Variants in DYSF observed in about 807,000 individuals in gnomAD.
DYSF encodes the protein dysferlin.
Under a neutral mutation model 274.9 loss-of-function variants are expected in DYSF, and 212 were observed. The ratio of observed to expected loss-of-function variants is 0.77; its 90% CI spans 0.69 to 0.86. DYSF has a LOEUF of 0.86. Ranked by LOEUF, DYSF falls within the 40% of genes least tolerant of loss-of-function variation. The pLI, the probability that DYSF is intolerant of heterozygous loss-of-function variation, is 0.00. For missense variants in DYSF, 2,666 were observed against 2,783.2 expected (o/e 0.96, Z 0.95); for synonymous variants, 1,091 against 1,078.7 (o/e 1.01, Z -0.22).
intron 45 of DYSF, among the ~76,000 whole-genome samples, chr2:71,661,907 T>C (rs2094887977): frequency 6.6e-6 from 1 of 151,800 alleles, no homozygotes; most frequent in African/African-American, 2.4e-5. Context: ...AGGGAAGTGG[T>C]AGGTGGGAGA....
intron 17 of DYSF, among the ~76,000 whole-genome samples, chr2:71,540,823 T>C (rs1208031259): frequency 5.9e-5 from 9 of 152,092 alleles, no homozygotes; most frequent in Non-Finnish European, 7.4e-5. Context: ...CTGTCATTTA[T>C]GTAGTAAATA....
intron 36 of DYSF, among the ~76,000 whole-genome samples, chr2:71,609,438 TG>T (rs1021542203): frequency 5.4e-5 from 8 of 149,492 alleles, no homozygotes; most frequent in African/African-American, 2.0e-4. Context: ...GAAGTCACCC[TG>T]GGGAGATCAA....
At chr2:71,537,217 A>AGTTTTGTTTT (rs1553536522) in intron 16 of DYSF, among the ~76,000 whole-genome samples, 11 of 89,918 alleles carry the variant, frequency 1.2e-4, no homozygotes, top group African/African-American at 1.8e-4. Context: ...TTTACTTTCT[A>AGTTTTGTTTT]GTTTTGTTTT....
chr2:71,615,528 C>T lies in DYSF; in HGVS notation c.4464+2118C>T, dbSNP rs79761160. Among the ~76,000 whole-genome samples, 2,544 of 152,250 alleles carry T rather than the reference C, an allele frequency of 0.017. 73 individuals carry two copies. Among genetic ancestry groups the T allele is most frequent in the African/African-American group, 0.059 (2,437 of 41,548 alleles). On this transcript the variant is annotated intron_variant, in intron 40 of 55. Transcript: ENST00000410020. This position sits in a 1 kb window ranked among gnomAD's most constrained non-coding sequence, Gnocchi z 4.9. ...CTGTTCTGCAGGGAGCCCTGGCCCT[C>T]TGGGGAAGCCCCTTTTCTGGTATCT...
rs923606051 is a variant in DYSF, at chr2:71,530,663, C to T, written c.1380+2262C>T. Among the ~76,000 whole-genome samples, 4 of 152,068 alleles carry T rather than the reference C, an allele frequency of 2.6e-5. No homozygotes were observed. In the East Asian group the frequency reaches 7.7e-4, roughly 29 times the overall value. On this transcript the variant is annotated intron_variant, in intron 14 of 55. Transcript: ENST00000410020. ...GGTGAAGGAGGCAGCTGGAATGCTCCGTCTTGAAAGTTTCAACCTGGCCAG... is the reference window on the plus strand; with the variant it reads ...GGTGAAGGAGGCAGCTGGAATGCTCTGTCTTGAAAGTTTCAACCTGGCCAG...
chr2:71,454,175 TGAGAGACAG>T, intron 1 of DYSF: 1 of 1,315,384 alleles, frequency 7.6e-7, no homozygotes, highest in Non-Finnish European at 1.1e-6. Flanking sequence ...CACCTAGAGC[TGAGAGACAG>T]GAGACTTTCT....
intron 36 of DYSF, among the ~76,000 whole-genome samples, chr2:71,605,522 G>A (rs1476985845): frequency 1.3e-5 from 2 of 152,132 alleles, no homozygotes; most frequent in Non-Finnish European, 1.5e-5. Flanking sequence ...TGACCATTTC[G>A]GGGAGGTGGG....
chr2:71,661,872 T>A (rs1052525268), intron 45 of DYSF, among the ~76,000 whole-genome samples: 9 of 152,102 alleles, frequency 5.9e-5, no homozygotes, highest in African/African-American at 2.2e-4. Context: ...TGGCCAGTGA[T>A]GAGCTCCCAC....
At chr2:71,610,372 G>T (rs2093729007) in intron 36 of DYSF, among the ~76,000 whole-genome samples, 1 of 152,244 alleles carries the variant, frequency 6.6e-6, no homozygotes, top group African/African-American at 2.4e-5. Context: ...AAAACATTCA[G>T]CTATAGGAGG....
intron 1 of DYSF, among the ~76,000 whole-genome samples, chr2:71,473,918 A>ATTTTTTTT (rs10659171): frequency 1.2e-5 from 1 of 83,804 alleles, no homozygotes; most frequent in Non-Finnish European, 2.2e-5. Flanking sequence ...TTTCTGTATG[A>ATTTTTTTT]TTTTTTTTTT....
chr2:71,558,822 G>T (rs2091518025), intron 22 of DYSF, among the ~76,000 whole-genome samples: 1 of 152,104 alleles, frequency 6.6e-6, no homozygotes, highest in African/African-American at 2.4e-5. Flanking sequence ...GCCTCTCTGG[G>T]GGGGAATTCC....
At chr2:71,623,621 A>T (rs2094150331) in intron 41 of DYSF, among the ~76,000 whole-genome samples, 1 of 152,124 alleles carries the variant, frequency 6.6e-6, no homozygotes, top group South Asian at 2.1e-4. Flanking sequence ...AAAATGCATT[A>T]TCCAGGATTT....
chr2:71,468,678 G>A (rs1168220187), intron 1 of DYSF, among the ~76,000 whole-genome samples: 1 of 152,104 alleles, frequency 6.6e-6, no homozygotes, highest in Admixed American at 6.5e-5. Flanking sequence ...GTATTTCAAA[G>A]CCCAGGGCAA....
At chr2:71,512,152 A>G (rs558980189) in intron 5 of DYSF, among the ~76,000 whole-genome samples, 37 of 152,254 alleles carry the variant, frequency 2.4e-4, no homozygotes, top group African/African-American at 7.9e-4. Flanking sequence ...CGGTGCAGGG[A>G]GTAATGTGAG....
chr2:71,596,170 G>C (rs2093403406), intron 32 of DYSF, among the ~76,000 whole-genome samples: 1 of 151,928 alleles, frequency 6.6e-6, no homozygotes, highest in African/African-American at 2.4e-5. Flanking sequence ...GTAGGTCTGG[G>C]TGATTTTTGT....
At chr2:71,571,854 C>T (rs1339698965) in intron 29 of DYSF, among the ~76,000 whole-genome samples, 10 of 125,564 alleles carry the variant, frequency 8.0e-5, no homozygotes, top group African/African-American at 3.1e-4. Context: ...CAGATCACAC[C>T]CACCACACAC....
At chr2:71,641,404 C>T (rs1310987224) in intron 41 of DYSF, among the ~76,000 whole-genome samples, 2 of 152,056 alleles carry the variant, frequency 1.3e-5, no homozygotes, top group Admixed American at 6.5e-5. Context: ...TGGTCTCGAT[C>T]TCCTGACCTC....
chr2:71,605,521 C>T (rs1012672527), intron 36 of DYSF, among the ~76,000 whole-genome samples: 7 of 151,466 alleles, frequency 4.6e-5, no homozygotes, highest in East Asian at 2.0e-4. Flanking sequence ...CTGACCATTT[C>T]GGGGAGGTGG....
intron 1 of DYSF, among the ~76,000 whole-genome samples, chr2:71,473,087 A>C (rs569596110): frequency 1.3e-5 from 2 of 152,160 alleles, no homozygotes; most frequent in Non-Finnish European, 2.9e-5. Context: ...GGTGGGGTGG[A>C]GGGTGGTTGA....
Sources: gnomAD v4.1 joint callset for allele counts (sites outside exome capture counted in the v4.1 genomes callset) on GRCh38, gnomAD v4.1.1 for gene constraint, Gnocchi (gnomAD v3.1) non-coding constraint, MANE v1.5 for transcripts, NCBI Gene and HGNC (gene_info 2026-07-23, HGNC 2026-07-21) for gene names.